The following ADAMTS20 variants were observed in gnomAD, a reference collection of about 807,000 sequenced individuals.
ADAMTS20 encodes the protein ADAM metallopeptidase with thrombospondin type 1 motif 20.
Under a neutral mutation model 260.1 loss-of-function variants are expected in ADAMTS20, and 225 were observed. That is an observed-to-expected ratio of 0.87 (90% CI 0.78 to 0.97). ADAMTS20 has a LOEUF of 0.97. Ranked by LOEUF, ADAMTS20 falls within the 50% of genes least tolerant of loss-of-function variation. The pLI, the probability that ADAMTS20 is intolerant of heterozygous loss-of-function variation, is 0.00. For synonymous variants in ADAMTS20, 802 were observed against 769.5 expected (o/e 1.04, Z -0.70); for missense variants, 2,400 against 2,337.7 (o/e 1.03, Z -0.55).
At chr12:43,448,888 C>T (rs565141323) in intron 14 of ADAMTS20, among the ~76,000 whole-genome samples, 18 of 152,076 alleles carry the variant, frequency 1.2e-4, no homozygotes, top group East Asian at 3.9e-4. Context: ...ACAAAAAAAG[C>T]GCAATATCAC....
chr12:43,367,742 A>C (rs982806820), intron 37 of ADAMTS20, among the ~76,000 whole-genome samples: 7 of 152,114 alleles, frequency 4.6e-5, no homozygotes, highest in African/African-American at 7.2e-5. Flanking sequence ...GAGGAAGTAA[A>C]ATTATCTTTA....
At chr12:43,416,728 T>C (rs1941138812) in intron 28 of ADAMTS20, among the ~76,000 whole-genome samples, 1 of 151,876 alleles carries the variant, frequency 6.6e-6, no homozygotes, top group East Asian at 1.9e-4. Context: ...TTCACCGTGT[T>C]AGCCAGGATG....
chr12:43,511,361 A>AGCCTC (rs1433775970), intron 3 of ADAMTS20, among the ~76,000 whole-genome samples: 2 of 152,142 alleles, frequency 1.3e-5, no homozygotes, highest in East Asian at 3.9e-4. Context: ...ATAAAATCTA[A>AGCCTC]GCCTCTCCCT....
intron 2 of ADAMTS20, among the ~76,000 whole-genome samples, chr12:43,541,878 A>G (rs1592117438): frequency 1.3e-5 from 2 of 152,314 alleles, no homozygotes; most frequent in East Asian, 3.9e-4. Context: ...ATGAAACAAT[A>G]AAAGGGAAAT....
rs1947023562 is a variant in ADAMTS20 at position 43,551,861 on chromosome 12, A to T, written c.61T>A (p.Ser21Thr). 2 of 1,613,648 alleles carry T rather than the reference A, an allele frequency of 1.2e-6. No individual in the cohort carries two copies. Among genetic ancestry groups the T allele is most frequent in the Non-Finnish European group, 1.7e-6 (2 of 1,179,718 alleles). Residue 21 changes from serine (S) to threonine (T), a missense_variant, in exon 1 of 39, where the codon TCT becomes ACT. By Grantham distance (58) the Ser-to-Thr change is moderately conservative. Coordinates refer to ENST00000389420, the MANE Select transcript of ADAMTS20 (RefSeq NM_025003.5). This position sits in a 1 kb window ranked among gnomAD's most constrained non-coding sequence, Gnocchi z 4.6. ...CTGGGGTGGAAGTCAACTTCCCAAG[A>T]CCTGGTGATGAAGAGCGAGAGATGG... is the stretch of plus-strand genomic sequence containing the variant. ...LYHLSLFITR[S>T]WEVDFHPRQE...
chr12:43,514,952 C>T (rs1244506181), intron 3 of ADAMTS20, among the ~76,000 whole-genome samples: 1 of 152,208 alleles, frequency 6.6e-6, no homozygotes, highest in Non-Finnish European at 1.5e-5. Context: ...TTAAAATTCA[C>T]AGTAATACAT....
intron 28 of ADAMTS20, among the ~76,000 whole-genome samples, chr12:43,405,229 CAAAAA>C (rs869040570): frequency 6.6e-4 from 35 of 52,786 alleles, no homozygotes; most frequent in African/African-American, 2.5e-3. Context: ...CTCATCTCTA[CAAAAA>C]AAAAAAAAAA....
rs1250327206 is a variant in ADAMTS20 at position 43,493,228 on chromosome 12, C to T, written c.893G>A (p.Ser298Asn). 2 of 1,558,250 alleles carry T rather than the reference C, an allele frequency of 1.3e-6. No individual in the cohort carries two copies. Among genetic ancestry groups the T allele is most frequent in the Non-Finnish European group, 1.7e-6 (2 of 1,150,158 alleles). ...TACTATGTGTATCAAATTTCCAATA[C>T]TTGGATCTTTGTAGATTGTTGCAAC... Reference protein sequence around the residue: ...SIVATIYKDPSIGNLIHIVVV... With the variant: ...SIVATIYKDPNIGNLIHIVVV... The change falls in exon 5 of 39, where the codon AGT becomes AAT. Residue 298 changes from serine to asparagine, a missense_variant. Coordinates refer to ENST00000389420, the MANE Select transcript of ADAMTS20 (RefSeq NM_025003.5).
In ADAMTS20 at chr12:43,452,417, A is replaced by G. The variant is rs747176217; in HGVS notation, c.1943-7T>C. ...CAACGATCCTTTGTGCCAACTGTAA[A>G]AAAGAAAAAGGTCAAATTTTTAATG... On this transcript the variant is annotated splice_region_variant and splice_polypyrimidine_tract_variant and intron_variant, in intron 13 of 38. Coordinates refer to ENST00000389420, the MANE Select transcript of ADAMTS20 (RefSeq NM_025003.5). 1 of 1,605,990 alleles carries G rather than the reference A, an allele frequency of 6.2e-7. No homozygotes were observed.
chr12:43,408,226 C>T (rs1200169251), intron 28 of ADAMTS20, among the ~76,000 whole-genome samples: 1 of 152,156 alleles, frequency 6.6e-6, no homozygotes, highest in Non-Finnish European at 1.5e-5. Context: ...AAAAACTCCA[C>T]TCCCATCTTA....
intron 28 of ADAMTS20, among the ~76,000 whole-genome samples, chr12:43,424,253 C>A (rs1162826175): frequency 6.6e-6 from 1 of 151,956 alleles, no homozygotes; most frequent in Non-Finnish European, 1.5e-5. Flanking sequence ...CAATGGTAAT[C>A]AAAATGCCTA....
intron 9 of ADAMTS20, 139 bp from the exon 10 acceptor site, chr12:43,464,871 T>C: frequency 4.5e-6 from 4 of 881,936 alleles, no homozygotes; most frequent in Non-Finnish European, 6.7e-6. Context: ...CCAACTCACA[T>C]CAATATCAGT....
chr12:43,426,094 A>G (rs1395649615), intron 27 of ADAMTS20, among the ~76,000 whole-genome samples: 1 of 152,214 alleles, frequency 6.6e-6, no homozygotes, highest in Non-Finnish European at 1.5e-5. Context: ...CTAAGTAACC[A>G]TGAAAGCTAT....
At chr12:43,542,596 A>T (rs955758018) in intron 2 of ADAMTS20, among the ~76,000 whole-genome samples, 2 of 152,030 alleles carry the variant, frequency 1.3e-5, no homozygotes, top group Non-Finnish European at 2.9e-5. Context: ...ACTTTAGTAC[A>T]GTTGGAATTT....
In ADAMTS20 at chr12:43,375,425, A is replaced by C. The variant is rs10506226; in HGVS notation, c.5400T>G (p.Thr1800=). 326,953 of 1,612,308 alleles carry C rather than the reference A, an allele frequency of 0.2. 35,466 individuals carry two copies. Among genetic ancestry groups the C allele is most frequent in the African/African-American group, 0.38 (28,130 of 74,848 alleles). The part of the protein sequence containing the change: ...CDNGHLAAGY[T]VFSKIRIDLT... ...GATCAATTCTTATTTTGCTGAAAAC[A>C]GTGTATCCAGCAGCTAAGTGTCCAT... Residue 1800 remains threonine (T), a synonymous_variant, in exon 36 of 39, where the codon ACT becomes ACG. Transcript: ENST00000389420.
chr12:43,383,445 A>T, intron 31 of ADAMTS20, 113 bp downstream of exon 31: 1 of 1,021,388 alleles, frequency 9.8e-7, no homozygotes, highest in Non-Finnish European at 1.4e-6. Flanking sequence ...TGATATGCAT[A>T]CCATCATCTG....
intron 28 of ADAMTS20, among the ~76,000 whole-genome samples, chr12:43,418,101 G>T (rs531092574): frequency 1.3e-5 from 2 of 152,172 alleles, no homozygotes; most frequent in African/African-American, 4.8e-5. Context: ...TCATAAAGAT[G>T]AATTACCAAT....
chr12:43,457,734 A>G (rs534000182), intron 11 of ADAMTS20, among the ~76,000 whole-genome samples: 91 of 152,238 alleles, frequency 6.0e-4, no homozygotes, highest in Non-Finnish European at 1.0e-3. Flanking sequence ...TTATCTCACT[A>G]CTACTACTCT....
At chr12:43,513,828 G>T (rs937821031) in intron 3 of ADAMTS20, among the ~76,000 whole-genome samples, 1 of 150,158 alleles carries the variant, frequency 6.7e-6, no homozygotes, top group Non-Finnish European at 1.5e-5. Context: ...AACAAACACC[G>T]CATGTTCTCA....
Sources: gnomAD v4.1 joint callset for allele counts (sites outside exome capture counted in the v4.1 genomes callset) on GRCh38, gnomAD v4.1.1 for gene constraint, Gnocchi (gnomAD v3.1) non-coding constraint, MANE v1.5 for transcripts, NCBI Gene and HGNC (gene_info 2026-07-23, HGNC 2026-07-21) for gene names.